Variants in MRPS11 observed in about 807,000 individuals in gnomAD.
MRPS11 encodes mitochondrial ribosomal protein S11.
MRPS11 carries 27 observed loss-of-function variants against 24.3 expected under a neutral mutation model. The ratio of observed to expected loss-of-function variants is 1.11; its 90% CI spans 0.82 to 1.53. MRPS11 has a LOEUF of 1.53. Ranked by LOEUF, MRPS11 falls within the 40% of genes most tolerant of loss-of-function variation. MRPS11 has a pLI of 0.00. For synonymous variants in MRPS11, 104 were observed against 98.7 expected (o/e 1.05, Z -0.32); for missense variants, 277 against 256.5 (o/e 1.08, Z -0.55).
Position 88,477,020 on chromosome 15 carries a change from G to T in MRPS11, c.443G>T (p.Arg148Leu). ...AAACAAAAGGGCGTGATCCACATCCGAGTTGTGGTGAAAGGCCTGGGGCCA... is the reference window on the plus strand; with the variant it reads ...AAACAAAAGGGCGTGATCCACATCCTAGTTGTGGTGAAAGGCCTGGGGCCA... ...RAKQKGVIHI[R>L]VVVKGLGPGR... Residue 148 changes from arginine (R) to leucine (L), a missense_variant, in exon 5 of 6, where the codon CGA becomes CTA. Physicochemically the swap from Arg to Leu is moderately radical, Grantham distance 102. Transcript: ENST00000325844. This position sits in a 1 kb window ranked among gnomAD's most constrained non-coding sequence, Gnocchi z 5.7. The T allele has an allele frequency of 1.2e-6, 2 of 1,614,088 alleles. No homozygotes were observed. Among genetic ancestry groups the T allele is most frequent in the Non-Finnish European group, 1.7e-6 (2 of 1,179,996 alleles).
At chr15:88,468,605 C>A in intron 2 of MRPS11, 1 of 717,106 alleles carries the variant, frequency 1.4e-6, no homozygotes, top group Non-Finnish European at 1.7e-6. Flanking sequence ...TCATTCCTCC[C>A]CACAAGTAGT....
rs534829176 is a variant in MRPS11 at position 88,475,920 on chromosome 15, G to A, written c.411+681G>A. 2.6e-5 allele frequency among the ~76,000 whole-genome samples: 4 copies of A among 152,192 alleles called. No individual in the cohort carries two copies. The highest frequency in any genetic ancestry group is 9.6e-5 in the African/African-American group (4 of 41,536). On this transcript the variant is annotated intron_variant, in intron 4 of 5. Transcript: ENST00000325844. This position sits in a 1 kb window ranked among gnomAD's most constrained non-coding sequence, Gnocchi z 4.1. Reference sequence around the variant, plus strand: ...TGCAGTGACTCGAGATCACACCACTGCACTCCAGCCTGGTGACAGAGCGAG... The same window carrying A: ...TGCAGTGACTCGAGATCACACCACTACACTCCAGCCTGGTGACAGAGCGAG...
At position 88,475,065 on chromosome 15, in the gene MRPS11, C is replaced by T. The variant is rs1355517200; in HGVS notation, c.282-45C>T. The T allele has an allele frequency of 6.2e-7, 1 of 1,606,144 alleles. No homozygotes were observed. Among genetic ancestry groups the T allele is most frequent in the Non-Finnish European group, 8.5e-7 (1 of 1,174,940 alleles). ...GCATAGATTAGCTCTCTCTTATTTC[C>T]CTGAAGAAGAGTTGTATCCTATGTG... On this transcript the variant is annotated intron_variant, in intron 3 of 5. Coordinates refer to ENST00000325844, the MANE Select transcript of MRPS11 (RefSeq NM_022839.5). This position sits in a 1 kb window ranked among gnomAD's most constrained non-coding sequence, Gnocchi z 4.1.
Position 88,467,933 on chromosome 15 carries a change from G to C in MRPS11, c.91G>C (p.Gly31Arg). 1 of 1,613,604 alleles carries C rather than the reference G, an allele frequency of 6.2e-7. No homozygotes were observed. Among genetic ancestry groups the C allele is most frequent in the Non-Finnish European group, 8.5e-7 (1 of 1,179,996 alleles). ...AGRVVARTPA[G>R]TICTGARQLQ... ...CAGGGTCGTGGCCAGAACGCCGGCC[G>C]GGACCATCTGCACAGGCGCTCGACA... Residue 31 changes from glycine to arginine, a missense_variant, in exon 2 of 6, where the codon GGG becomes CGG. Physicochemically the swap from Gly to Arg is moderately radical, Grantham distance 125. Coordinates refer to ENST00000325844, the MANE Select transcript of MRPS11 (RefSeq NM_022839.5).
intron 2 of MRPS11, among the ~76,000 whole-genome samples, chr15:88,471,368 G>C (rs539819956): frequency 7.6e-4 from 116 of 152,316 alleles, no homozygotes; most frequent in African/African-American, 2.5e-3. Flanking sequence ...GCTGGGGCGA[G>C]AGTAGTCCTT....
rs541140955 is a variant in MRPS11, at chr15:88,473,780, A to T, written c.281+1055A>T. 5.4e-4 allele frequency among the ~76,000 whole-genome samples: 83 copies of T among 152,332 alleles called. 2 individuals carry two copies. In the South Asian group the frequency reaches 0.016, roughly 30 times the overall value. On this transcript the variant is annotated intron_variant, in intron 3 of 5. Transcript: ENST00000325844. The stretch of plus-strand genomic sequence containing the variant: ...CTCCTGCCTCCTTCTGTGAGCTCTC[A>T]GAGCTCTCCAGACCAGAAATAGGAT...
rs2055883824 is a variant in MRPS11, at chr15:88,479,192, G to A, written c.*1213G>A. The A allele has an allele frequency of 6.6e-6, 1 of 152,208 alleles. No individual in the cohort carries two copies. The highest frequency in any genetic ancestry group is 2.4e-5 in the African/African-American group (1 of 41,438). 9.4% of individuals were successfully genotyped at this position (152,208 alleles called of 1,614,324 possible). A position where few individuals can be genotyped will look rare whatever the true frequency, so the allele number is the denominator to read the frequency against. ...GCAGGACTGACTGCTCCTCTGTTGG[G>A]GCTCTAGGGTTCCTGGATACGGCAC... is the stretch of plus-strand genomic sequence containing the variant. On this transcript the variant is annotated 3_prime_UTR_variant, in exon 6 of 6. Transcript: ENST00000325844.
chr15:88,471,597 T>A (rs1202527421), intron 2 of MRPS11, among the ~76,000 whole-genome samples: 1 of 152,200 alleles, frequency 6.6e-6, no homozygotes, highest in Non-Finnish European at 1.5e-5. Context: ...AAGGCTTGGC[T>A]TCTCTTGCTA....
chr15:88,476,014 A>G (rs2055815227), intron 4 of MRPS11, among the ~76,000 whole-genome samples: 1 of 152,166 alleles, frequency 6.6e-6, no homozygotes, highest in Non-Finnish European at 1.5e-5. Flanking sequence ...ATGATAGTCT[A>G]TTTGGAGAGG....
chr15:88,472,297 T>C (rs1264421513), intron 2 of MRPS11: 2 of 203,648 alleles, frequency 9.8e-6, no homozygotes, highest in African/African-American at 4.7e-5. Context: ...ATTTTTTAAA[T>C]TGTGGGAAGA....
chr15:88,477,944 A>G lies in MRPS11; in HGVS notation c.550A>G (p.Asn184Asp), dbSNP rs1167352801. The G allele has an allele frequency of 1.2e-6, 2 of 1,614,080 alleles. No individual in the cohort carries two copies. Among genetic ancestry groups the G allele is most frequent in the East Asian group, 2.2e-5 (1 of 44,860 alleles). ...SITDNTPIPH[N>D]GCRPRKARKL ...CACAGACAACACCCCAATCCCACAC[A>G]ACGGCTGCCGCCCCAGGAAGGCTCG... The change falls in exon 6 of 6, where the codon AAC (asparagine) becomes GAC (aspartate). Residue 184 changes from asparagine to aspartate, a missense_variant. Transcript: ENST00000325844. This position sits in a 1 kb window ranked among gnomAD's most constrained non-coding sequence, Gnocchi z 5.7.
In MRPS11 at chr15:88,477,444, T is replaced by C. The variant is rs1167419487; in HGVS notation, c.477+390T>C. 1.3e-5 allele frequency among the ~76,000 whole-genome samples: 2 copies of C among 152,182 alleles called. No individual in the cohort carries two copies. Among genetic ancestry groups the C allele is most frequent in the Non-Finnish European group, 2.9e-5 (2 of 68,038 alleles). On this transcript the variant is annotated intron_variant, in intron 5 of 5. Coordinates refer to ENST00000325844, the MANE Select transcript of MRPS11 (RefSeq NM_022839.5). The surrounding 1 kb of genome is among the most constrained non-coding windows in gnomAD (Gnocchi z 5.7). ...GATGATCATTAGCACAGATAATCTT[T>C]AGCTTCTTCAAAGAGGTGACATCTC...
In MRPS11 at chr15:88,475,371, T is replaced by C. The variant is rs550945926; in HGVS notation, c.411+132T>C. 5.4e-5 allele frequency: 70 copies of C among 1,291,586 alleles called. No homozygotes were observed. The African/African-American group carries it at 7.1e-4, about 13-fold the overall frequency. 80.0% of individuals were successfully genotyped at this position (1,291,586 alleles called of 1,614,324 possible). A position where few individuals can be genotyped will look rare whatever the true frequency, so the allele number is the denominator to read the frequency against. ...TGTCATGGCAGCTTTGATGCCCTGA[T>C]TGGAGCATTGGTTTGAAAAGGTTTA... On this transcript the variant is annotated intron_variant, in intron 4 of 5. Coordinates refer to ENST00000325844, the MANE Select transcript of MRPS11 (RefSeq NM_022839.5). This position sits in a 1 kb window ranked among gnomAD's most constrained non-coding sequence, Gnocchi z 4.1.
intron 4 of MRPS11, 186 bp from the exon 5 acceptor site, chr15:88,476,803 T>G: frequency 1.7e-6 from 1 of 593,510 alleles, no homozygotes; most frequent in Non-Finnish European, 3.0e-6. Context: ...TTCTGCAACC[T>G]GCCAAATTCT....
At chr15:88,467,847 T>A (rs1177226132) in intron 1 of MRPS11, 61 bp from the exon 2 acceptor site, 2 of 1,612,860 alleles carry the variant, frequency 1.2e-6, no homozygotes, top group Non-Finnish European at 8.5e-7. Context: ...CTCGTGTCCC[T>A]TGAGCCACCC....
At chr15:88,472,507 G>C in intron 2 of MRPS11, 120 bp from the exon 3 acceptor site, 6 of 730,796 alleles carry the variant, frequency 8.2e-6, no homozygotes, top group Non-Finnish European at 1.4e-5. Flanking sequence ...GGAATGGTGG[G>C]GGCAGCCACT....
rs916367056 is a variant in MRPS11, at chr15:88,477,932, C to T, written c.538C>T (p.Pro180Ser). 6.2e-7 allele frequency: 1 copy of T among 1,614,206 alleles called. No individual in the cohort carries two copies. The highest frequency in any genetic ancestry group is 1.7e-5 in the Admixed American group (1 of 60,022). Residue 180 changes from proline to serine, a missense_variant, in exon 6 of 6, where the codon CCA becomes TCA. Pro to Ser is a moderately conservative substitution (Grantham distance 74). Coordinates refer to ENST00000325844, the MANE Select transcript of MRPS11 (RefSeq NM_022839.5). The surrounding 1 kb of genome is among the most constrained non-coding windows in gnomAD (Gnocchi z 5.7). The part of the protein sequence containing the change: ...LEVISITDNT[P>S]IPHNGCRPRK... Reference sequence around the variant, plus strand: ...AGTGATCTCAATCACAGACAACACCCCAATCCCACACAACGGCTGCCGCCC... The same window carrying T: ...AGTGATCTCAATCACAGACAACACCTCAATCCCACACAACGGCTGCCGCCC...
chr15:88,473,433 A>G (rs1420719749), intron 3 of MRPS11, among the ~76,000 whole-genome samples: 1 of 152,250 alleles, frequency 6.6e-6, no homozygotes, highest in Non-Finnish European at 1.5e-5. Context: ...AAGAGACTAC[A>G]GTCATGGGCT....
rs16941925 is a variant in MRPS11 at position 88,472,863 on chromosome 15, C to G, written c.281+138C>G. 4.1e-3 allele frequency: 2,374 copies of G among 581,676 alleles called. 49 individuals are homozygous for G. The African/African-American group carries it at 0.041, about 10-fold the overall frequency. 36.0% of individuals were successfully genotyped at this position (581,676 alleles called of 1,614,324 possible). A position where few individuals can be genotyped will look rare whatever the true frequency, so the allele number is the denominator to read the frequency against. ...TGCATGATGGCGCTAATGTAGGGCA[C>G]CGTCTTCCTCCTCACTTGAGGAACC... On this transcript the variant is annotated intron_variant, in intron 3 of 5. Transcript: ENST00000325844.
Sources: gnomAD v4.1 joint callset for allele counts (sites outside exome capture counted in the v4.1 genomes callset) on GRCh38, gnomAD v4.1.1 for gene constraint, Gnocchi (gnomAD v3.1) non-coding constraint, MANE v1.5 for transcripts, NCBI Gene and HGNC (gene_info 2026-07-23, HGNC 2026-07-21) for gene names.